ADGRB3: variants seen among roughly 807,000 people sequenced by gnomAD.
ADGRB3 encodes the protein adhesion G protein-coupled receptor B3.
A neutral mutation model predicts 193.4 loss-of-function variants in ADGRB3; 37 were observed. The observed-to-expected ratio is 0.19, with a 90% CI of 0.15 to 0.25. The LOEUF is 0.25. Ranked by LOEUF, ADGRB3 falls within the 10% of genes least tolerant of loss-of-function variation. The pLI, the probability that ADGRB3 is intolerant of heterozygous loss-of-function variation, is 1.00. For missense variants in ADGRB3, 1,637 were observed against 1,852.9 expected, an observed-to-expected ratio of 0.88 and a Z score of 2.14; for synonymous variants, 690 against 644.2, an observed-to-expected ratio of 1.07 and a Z score of -1.08.
intron 4 of ADGRB3, among the ~76,000 whole-genome samples, chr6:68,936,040 C>A (rs1403737549): frequency 6.6e-6 from 1 of 152,106 alleles, no homozygotes; most frequent in Admixed American, 6.6e-5. Flanking sequence ...AAATTAGATG[C>A]GTCCAAGCTC....
intron 23 of ADGRB3, chr6:69,332,287 G>A (rs1768748482): frequency 1.0e-6 from 1 of 985,108 alleles, no homozygotes; most frequent in African/African-American, 1.7e-5. Context: ...GTCTTAGAAA[G>A]AAAATGATAG....
intron 3 of ADGRB3, among the ~76,000 whole-genome samples, chr6:68,889,010 G>T (rs1765995315): frequency 6.6e-6 from 1 of 152,136 alleles, no homozygotes; most frequent in South Asian, 2.1e-4. Flanking sequence ...TGATGTATTT[G>T]CTTTCAGACA....
intron 17 of ADGRB3, among the ~76,000 whole-genome samples, chr6:69,087,414 T>C (rs956176696): frequency 6.6e-6 from 1 of 152,100 alleles, no homozygotes; most frequent in Non-Finnish European, 1.5e-5. Context: ...TGAAACTTAA[T>C]CCCCAATGCA....
At chr6:68,748,790 C>T (rs1056300354) in intron 3 of ADGRB3, among the ~76,000 whole-genome samples, 2 of 152,224 alleles carry the variant, frequency 1.3e-5, no homozygotes, top group Non-Finnish European at 2.9e-5. Context: ...AATGCCCTAG[C>T]AGAGGTTCTC....
intron 3 of ADGRB3, among the ~76,000 whole-genome samples, chr6:68,816,441 T>A (rs1345790226): frequency 6.6e-6 from 1 of 152,044 alleles, no homozygotes; most frequent in Non-Finnish European, 1.5e-5. Flanking sequence ...TTCTGCAATA[T>A]TAATGACAAC....
In ADGRB3 at chr6:69,354,320, C is replaced by G. The variant is rs776332489; in HGVS notation, c.3547C>G (p.Gln1183Glu). ...SSSSFPNGHA[Q>E]IMTDFEKDVD... ...GAGTTCGTTTCCTAATGGGCATGCT[C>G]AAATCATGGTGAGTTTTTATTTTTC... Residue 1183 changes from glutamine (Q) to glutamate (E), a missense_variant, in exon 27 of 32, where the codon CAA (glutamine) becomes GAA (glutamate). Gln to Glu is a conservative substitution (Grantham distance 29, BLOSUM62 2). Coordinates refer to ENST00000370598, the MANE Select transcript of ADGRB3 (RefSeq NM_001704.3). 6.2e-7 allele frequency: 1 copy of G among 1,611,672 alleles called. No homozygotes were observed. The highest frequency in any genetic ancestry group is 1.1e-5 in the South Asian group (1 of 91,022).
chr6:69,140,196 G>C (rs943444420), intron 17 of ADGRB3, among the ~76,000 whole-genome samples: 2 of 152,170 alleles, frequency 1.3e-5, no homozygotes, highest in Non-Finnish European at 2.9e-5. Flanking sequence ...AGTTTACTCT[G>C]AATTCAAAAG....
chr6:68,706,305 G>C (rs1765324966), intron 3 of ADGRB3, among the ~76,000 whole-genome samples: 1 of 152,092 alleles, frequency 6.6e-6, no homozygotes, highest in Non-Finnish European at 1.5e-5. Context: ...TGGCTGGGGT[G>C]GGGAAGACTA....
intron 3 of ADGRB3, among the ~76,000 whole-genome samples, chr6:68,842,203 G>T (rs986816814): frequency 2.0e-5 from 3 of 151,436 alleles, no homozygotes; most frequent in African/African-American, 7.3e-5. Context: ...AAATTGAAAT[G>T]AAGAAAATAA....
At chr6:68,948,037 T>G (rs936796761) in intron 6 of ADGRB3, among the ~76,000 whole-genome samples, 19 of 152,142 alleles carry the variant, frequency 1.2e-4, no homozygotes, top group African/African-American at 4.3e-4. Flanking sequence ...CGGCCTTTGT[T>G]CTGAACCGGA....
At chr6:68,953,538 G>T (rs1230166613) in intron 6 of ADGRB3, among the ~76,000 whole-genome samples, 1 of 152,124 alleles carries the variant, frequency 6.6e-6, no homozygotes, top group African/African-American at 2.4e-5. Flanking sequence ...ATGCACTCAT[G>T]TTTAAAGCCA....
intron 3 of ADGRB3, among the ~76,000 whole-genome samples, chr6:68,671,186 T>C (rs1044005699): frequency 3.9e-5 from 6 of 151,936 alleles, no homozygotes; most frequent in Non-Finnish European, 7.4e-5. Context: ...AATATAAGAT[T>C]ATATCATCTG....
At chr6:68,813,223 G>C (rs1283318180) in intron 3 of ADGRB3, among the ~76,000 whole-genome samples, 2 of 152,150 alleles carry the variant, frequency 1.3e-5, no homozygotes, top group Admixed American at 1.3e-4. Flanking sequence ...TGCCATGTAA[G>C]AAGTGCCTTT....
chr6:69,267,117 CT>C (rs531077257), intron 20 of ADGRB3, among the ~76,000 whole-genome samples: 3 of 151,992 alleles, frequency 2.0e-5, no homozygotes. Flanking sequence ...CAGGGCGAGG[CT>C]TTTTTTAAAT....
intron 3 of ADGRB3, among the ~76,000 whole-genome samples, chr6:68,809,468 A>G (rs868379981): frequency 5.3e-5 from 8 of 152,232 alleles, no homozygotes; most frequent in Non-Finnish European, 1.0e-4. Flanking sequence ...ATAATAGACA[A>G]TGGTGGCTGA....
chr6:68,878,233 A>T (rs1765643886), intron 3 of ADGRB3, among the ~76,000 whole-genome samples: 1 of 151,860 alleles, frequency 6.6e-6, no homozygotes, highest in South Asian at 2.1e-4. Flanking sequence ...ATTTCAGTTC[A>T]GAGGATTTTA....
chr6:68,647,028 G>C (rs1057032719), intron 3 of ADGRB3, among the ~76,000 whole-genome samples: 7 of 152,244 alleles, frequency 4.6e-5, no homozygotes, highest in Admixed American at 1.3e-4. Context: ...TGTGTGTATG[G>C]TTGAAAATAT....
intron 11 of ADGRB3, among the ~76,000 whole-genome samples, chr6:69,004,605 A>G (rs570092676): frequency 8.7e-6 from 1 of 114,768 alleles, no homozygotes; most frequent in Non-Finnish European, 1.7e-5. Flanking sequence ...GATGTTCCCC[A>G]CCCTGTGTCC....
chr6:69,172,827 G>A (rs937771363), intron 17 of ADGRB3, among the ~76,000 whole-genome samples: 1 of 151,918 alleles, frequency 6.6e-6, no homozygotes, highest in Non-Finnish European at 1.5e-5. Flanking sequence ...ACAAGGAGCC[G>A]ATCACAGGAA....
Sources: gnomAD v4.1 joint callset for allele counts (sites outside exome capture counted in the v4.1 genomes callset) on GRCh38, gnomAD v4.1.1 for gene constraint, MANE v1.5 for transcripts, NCBI Gene and HGNC (gene_info 2026-07-23, HGNC 2026-07-21) for gene names.